Variants in TTYH1 observed in about 807,000 individuals in gnomAD.
The protein encoded by TTYH1 is tweety family member 1.
TTYH1 carries 33 observed loss-of-function variants against 61.2 expected under a neutral mutation model. That is an observed-to-expected ratio of 0.54 (90% CI 0.41 to 0.72). The LOEUF is 0.72. Among genes scored for constraint, TTYH1 ranks in the 30% least tolerant of loss-of-function variants. The pLI is 0.00. For synonymous variants in TTYH1, 308 were observed against 266.4 expected, an observed-to-expected ratio of 1.16 and a Z score of -1.52; for missense variants, 538 against 575.8, an observed-to-expected ratio of 0.93 and a Z score of 0.67.
chr19:54,420,512 G>T lies in TTYH1; in HGVS notation c.306-765G>T, dbSNP rs1307791743. On this transcript the variant is annotated intron_variant, in intron 2 of 13. Coordinates refer to ENST00000376530, the MANE Select transcript of TTYH1 (RefSeq NM_020659.4). The surrounding 1 kb of genome is among the most constrained non-coding windows in gnomAD (Gnocchi z 4.8). Reference sequence around the variant, plus strand: ...CCAGCCGGGGCTGGGAACCGGGAGGGTGTCAGGCTCCCGCCCCCTCCACTG... The same window carrying T: ...CCAGCCGGGGCTGGGAACCGGGAGGTTGTCAGGCTCCCGCCCCCTCCACTG... 6.6e-6 allele frequency among the ~76,000 whole-genome samples: 1 copy of T among 151,940 alleles called. No individual in the cohort carries two copies. Among genetic ancestry groups the T allele is most frequent in the Non-Finnish European group, 1.5e-5 (1 of 67,936 alleles).
At chr19:54,433,111 G>T (rs2083473658) in intron 10 of TTYH1, 1 of 152,206 alleles carries the variant, frequency 6.6e-6, no homozygotes, top group African/African-American at 2.4e-5. Flanking sequence ...GGCAGAAACT[G>T]GGCTGGAATA....
Position 54,429,477 on chromosome 19 carries a change from A to C in TTYH1, c.807+98A>C. Reference sequence around the variant, plus strand: ...ATGGCATGGCTTAGTAGAGAAAGGAATTGGGGGGCACGATCACAGCTCTGA... The same window carrying C: ...ATGGCATGGCTTAGTAGAGAAAGGACTTGGGGGGCACGATCACAGCTCTGA... On this transcript the variant is annotated intron_variant, in intron 6 of 13. Coordinates refer to ENST00000376530, the MANE Select transcript of TTYH1 (RefSeq NM_020659.4). The surrounding 1 kb of genome is among the most constrained non-coding windows in gnomAD (Gnocchi z 5.1). The C allele has an allele frequency of 8.9e-7, 1 of 1,124,370 alleles. No homozygotes were observed. The highest frequency in any genetic ancestry group is 1.3e-6 in the Non-Finnish European group (1 of 753,688). The allele number at this position is 1,124,370 out of a possible 1,614,324, so 69.6% of individuals were successfully genotyped here. A position where few individuals can be genotyped will look rare whatever the true frequency, so the allele number is the denominator to read the frequency against.
intron 4 of TTYH1, among the ~76,000 whole-genome samples, chr19:54,424,140 G>A (rs1257080928): frequency 1.3e-5 from 2 of 151,826 alleles, no homozygotes; most frequent in Non-Finnish European, 2.9e-5. Flanking sequence ...CAGCCTGGGT[G>A]ACGGAGCGAG....
intron 4 of TTYH1, among the ~76,000 whole-genome samples, chr19:54,424,465 G>C (rs1427662462): frequency 6.6e-6 from 1 of 152,252 alleles, no homozygotes; most frequent in Non-Finnish European, 1.5e-5. Flanking sequence ...GGCTGAAAAA[G>C]CTGGAGGTCA....
intron 8 of TTYH1, 53 bp from the exon 9 acceptor site, chr19:54,430,760 G>A: frequency 6.3e-7 from 1 of 1,594,218 alleles, no homozygotes; most frequent in Non-Finnish European, 8.6e-7. Flanking sequence ...AGAGGAGAGA[G>A]GGCCGGGGGC....
Position 54,435,561 on chromosome 19 carries a change from G to C in TTYH1, c.1145G>C (p.Arg382Pro). 2 of 1,606,430 alleles carry C rather than the reference G, an allele frequency of 1.2e-6. No homozygotes were observed. The highest frequency in any genetic ancestry group is 1.7e-6 in the Non-Finnish European group (2 of 1,178,206). The change falls in exon 11 of 14, where the codon CGG (arginine) becomes CCG (proline). Residue 382 changes from arginine (R) to proline (P), a missense_variant. Arg to Pro is a moderately radical substitution (Grantham distance 103). Coordinates refer to ENST00000376530, the MANE Select transcript of TTYH1 (RefSeq NM_020659.4). ...CCTCAGGACTATGGTGCAGCCCTGC[G>C]GGGCCTGTGCGAAGACGCCCTGGAA... ...SLHKDYGAALRGLCEDALEGL... is the reference protein window; with the variant it reads ...SLHKDYGAALPGLCEDALEGL...
chr19:54,418,829 C>T (rs1049729241), intron 1 of TTYH1: 8 of 350,298 alleles, frequency 2.3e-5, no homozygotes, highest in South Asian at 1.3e-4. Context: ...AACCCAGGCT[C>T]GGAGAAGGGG....
chr19:54,418,006 G>GAACA (rs1465560367), intron 1 of TTYH1, among the ~76,000 whole-genome samples: 1 of 109,988 alleles, frequency 9.1e-6, no homozygotes, highest in Non-Finnish European at 1.9e-5. Context: ...CACACACTTG[G>GAACA]GACACACACA....
intron 4 of TTYH1, among the ~76,000 whole-genome samples, chr19:54,425,068 C>T (rs976144022): frequency 2.6e-5 from 4 of 152,242 alleles, no homozygotes; most frequent in African/African-American, 9.6e-5. Flanking sequence ...GGAAGAGAAC[C>T]GTGGAACCCA....
Position 54,435,845 on chromosome 19 carries a change from C to G in TTYH1, c.1286C>G (p.Thr429Arg), listed in dbSNP as rs771590868. The G allele has an allele frequency of 1.4e-5, 22 of 1,613,316 alleles. No homozygotes were observed. The highest frequency in any genetic ancestry group is 1.8e-5 in the Non-Finnish European group (21 of 1,180,008). ...AACCCCAGTGACGACTACGATGACA[C>G]AGACGATGACGACCCTTTCAACCCT... The part of the protein sequence containing the change: ...LFPPSDDYDD[T>R]DDDDPFNPQE... The change falls in exon 12 of 14, where the codon ACA becomes AGA. Residue 429 changes from threonine to arginine, a missense_variant. Physicochemically the swap from Thr to Arg is moderately conservative, Grantham distance 71. Transcript: ENST00000376530.
Position 54,436,536 on chromosome 19 carries a change from C to A in TTYH1, c.*246C>A. ...GCAGGGGAGGGGGCAGACAGCCTCG[C>A]CTCGCACCCTTCATCCCTGGCTGCC... On this transcript the variant is annotated 3_prime_UTR_variant, in exon 14 of 14. Coordinates refer to ENST00000376530, the MANE Select transcript of TTYH1 (RefSeq NM_020659.4). The surrounding 1 kb of genome is among the most constrained non-coding windows in gnomAD (Gnocchi z 4.3). 1 of 719,954 alleles carries A rather than the reference C, an allele frequency of 1.4e-6. No homozygotes were observed. Among genetic ancestry groups the A allele is most frequent in the Non-Finnish European group, 2.4e-6 (1 of 422,932 alleles). 44.6% of individuals were successfully genotyped at this position (719,954 alleles called of 1,614,324 possible). A position where few individuals can be genotyped will look rare whatever the true frequency, so the allele number is the denominator to read the frequency against.
rs753828304 is a variant in TTYH1 at position 54,435,671 on chromosome 19, C to G, written c.1255C>G (p.Leu419Val). 6.2e-7 allele frequency: 1 copy of G among 1,609,972 alleles called. No individual in the cohort carries two copies. Among genetic ancestry groups the G allele is most frequent in the Admixed American group, 1.7e-5 (1 of 59,862 alleles). Reference sequence around the variant, plus strand: ...CTGCAGCCTGCCCCGAGCCTGGGCCCTCTTCCCACCCAGGTCAGGAGCGGG... The same window carrying G: ...CTGCAGCCTGCCCCGAGCCTGGGCCGTCTTCCCACCCAGGTCAGGAGCGGG... ...ALCSLPRAWA[L>V]FPPSDDYDDT... The change falls in exon 11 of 14, where the codon CTC (leucine) becomes GTC (valine). Residue 419 changes from leucine to valine, a missense_variant. Transcript: ENST00000376530.
rs2083398376 is a variant in TTYH1, at chr19:54,429,761, A to G, written c.808-121A>G. The stretch of plus-strand genomic sequence containing the variant: ...CCTGGACTCCTGAGTCTGAGGGAAG[A>G]GGGGCTGGGACCTGGACCCCTGGGT... On this transcript the variant is annotated intron_variant, in intron 6 of 13. Transcript: ENST00000376530. The surrounding 1 kb of genome is among the most constrained non-coding windows in gnomAD (Gnocchi z 5.1). The G allele has an allele frequency of 2.5e-6, 2 of 815,542 alleles. No individual in the cohort carries two copies. Among genetic ancestry groups the G allele is most frequent in the Admixed American group, 2.2e-5 (1 of 44,732 alleles). 50.5% of individuals were successfully genotyped at this position (815,542 alleles called of 1,614,324 possible).
Position 54,415,921 on chromosome 19 carries a change from C to G in TTYH1, c.126+243C>G. ...ATAAGGGAAGGCTGGGGACCTGCACCCCTGAGTTCATGGAGAGGAGGGGAG... is the reference window on the plus strand; with the variant it reads ...ATAAGGGAAGGCTGGGGACCTGCACGCCTGAGTTCATGGAGAGGAGGGGAG... On this transcript the variant is annotated intron_variant, in intron 1 of 13. Coordinates refer to ENST00000376530, the MANE Select transcript of TTYH1 (RefSeq NM_020659.4). This position sits in a 1 kb window ranked among gnomAD's most constrained non-coding sequence, Gnocchi z 5.2. 1 of 856,956 alleles carries G rather than the reference C, an allele frequency of 1.2e-6. No individual in the cohort carries two copies. Among genetic ancestry groups the G allele is most frequent in the Non-Finnish European group, 1.8e-6 (1 of 563,152 alleles). The allele number at this position is 856,956 out of a possible 1,614,324, so 53.1% of individuals were successfully genotyped here. A position where few individuals can be genotyped will look rare whatever the true frequency, so the allele number is the denominator to read the frequency against.
At chr19:54,423,229 ACT>A (rs60605229) in intron 4 of TTYH1, among the ~76,000 whole-genome samples, 22,380 of 140,642 alleles carry the variant, frequency 0.16, 1,998 homozygotes, top group African/African-American at 0.24. Flanking sequence ...ATGGAGTCTC[ACT>A]CTGTCGCCCA....
chr19:54,417,270 A>G (rs2083103587), intron 1 of TTYH1, among the ~76,000 whole-genome samples: 1 of 150,740 alleles, frequency 6.6e-6, no homozygotes, highest in Admixed American at 6.6e-5. Flanking sequence ...GCACACTCAG[A>G]CACACCCACT....
chr19:54,431,009 C>G, intron 9 of TTYH1, 90 bp from the exon 10 acceptor site: 2 of 1,289,672 alleles, frequency 1.6e-6, no homozygotes, highest in Non-Finnish European at 2.2e-6. Context: ...TAGGCGGGGC[C>G]TTGGGTTGTG....
At chr19:54,422,921 T>C (rs1599893356) in intron 4 of TTYH1, among the ~76,000 whole-genome samples, 1 of 85,536 alleles carries the variant, frequency 1.2e-5, no homozygotes, top group Admixed American at 1.7e-4. Flanking sequence ...AGAGTGAGAC[T>C]CCATCTCAAA....
At position 54,430,918 on chromosome 19, in the gene TTYH1, G is replaced by A. The variant is rs2083426630; in HGVS notation, c.1032+13G>A. 1.9e-6 allele frequency: 3 copies of A among 1,610,960 alleles called. No homozygotes were observed. Among genetic ancestry groups the A allele is most frequent in the Non-Finnish European group, 1.7e-6 (2 of 1,179,566 alleles). On this transcript the variant is annotated intron_variant, in intron 9 of 13. Coordinates refer to ENST00000376530, the MANE Select transcript of TTYH1 (RefSeq NM_020659.4). Reference sequence around the variant, plus strand: ...CCCTTCAGCGCAGGTCGGTGGGTGGGCGCTCCCCAGACACGCGGACCCCAC... The same window carrying A: ...CCCTTCAGCGCAGGTCGGTGGGTGGACGCTCCCCAGACACGCGGACCCCAC...
Sources: gnomAD v4.1 joint callset for allele counts (sites outside exome capture counted in the v4.1 genomes callset) on GRCh38, gnomAD v4.1.1 for gene constraint, Gnocchi (gnomAD v3.1) non-coding constraint, MANE v1.5 for transcripts, NCBI Gene and HGNC (gene_info 2026-07-23, HGNC 2026-07-21) for gene names.